Variants in TTC39A observed in about 807,000 individuals in gnomAD.
TTC39A encodes tetratricopeptide repeat protein 39A.
In TTC39A, 46 loss-of-function variants were observed where a neutral mutation model predicts 82.3. That is an observed-to-expected ratio of 0.56 (90% CI 0.44 to 0.71). The LOEUF (loss-of-function observed/expected upper bound fraction) is 0.71, where lower values mean the gene tolerates loss of function less well. TTC39A is among the 30% of genes least tolerant of loss of function. The pLI, the probability that TTC39A is intolerant of heterozygous loss-of-function variation, is 0.00. For synonymous variants in TTC39A, 254 were observed against 275.2 expected (o/e 0.92, Z 0.76); for missense variants, 543 against 712.9 (o/e 0.76, Z 2.71).
Position 51,301,641 on chromosome 1 carries a change from G to A in TTC39A, c.984C>T (p.Thr328=), listed in dbSNP as rs1318216389. 1.9e-6 allele frequency: 3 copies of A among 1,613,836 alleles called. No individual in the cohort carries two copies. The highest frequency in any genetic ancestry group is 3.3e-5 in the Admixed American group (2 of 60,010). ...AGGACATCTTCCACTGGCCCTTGTA[G>A]GTGAAGCACCACATCAGCTCCCAGT... ...MCYWELMWCF[T]YKGQWKMSYF... is the part of the protein sequence containing the mutation. Residue 328 remains threonine, a synonymous_variant, in exon 12 of 18, where the codon ACC becomes ACT. Transcript: ENST00000680483.
At chr1:51,303,720 A>G (rs577315795) in intron 8 of TTC39A, among the ~76,000 whole-genome samples, 4 of 152,160 alleles carry the variant, frequency 2.6e-5, no homozygotes, top group African/African-American at 9.6e-5. Context: ...CTAAAACACA[A>G]ATCTGACCTG....
At chr1:51,319,693 CTTT>C (rs148207553) in intron 2 of TTC39A, among the ~76,000 whole-genome samples, 2 of 141,716 alleles carry the variant, frequency 1.4e-5, no homozygotes, top group African/African-American at 2.6e-5. Context: ...TTTTCTTTTT[CTTT>C]TTTTTTTTTT....
intron 1 of TTC39A, among the ~76,000 whole-genome samples, chr1:51,342,125 G>T (rs1646044819): frequency 6.6e-6 from 1 of 152,150 alleles, no homozygotes; most frequent in Non-Finnish European, 1.5e-5. Flanking sequence ...GGGGGCTATG[G>T]TATGGCTAAG....
rs1199445913 is a variant in TTC39A at position 51,288,770 on chromosome 1, T to C, written c.1610+69A>G. 2 of 1,458,364 alleles carry C rather than the reference T, an allele frequency of 1.4e-6. No homozygotes were observed. The highest frequency in any genetic ancestry group is 1.4e-5 in the African/African-American group (1 of 71,274). 90.3% of individuals were successfully genotyped at this position (1,458,364 alleles called of 1,614,324 possible). On this transcript the variant is annotated intron_variant, in intron 17 of 17. Transcript: ENST00000680483. The surrounding 1 kb of genome is among the most constrained non-coding windows in gnomAD (Gnocchi z 4.8). The stretch of plus-strand genomic sequence containing the variant: ...CCACTCACTGCTCTCTGGGCAACTC[T>C]GTCCCCAGCCAGCTCCTGAGCTGAG...
rs1645539582 is a variant in TTC39A at position 51,321,947 on chromosome 1, G to T, written c.42-122C>A. 4.6e-6 allele frequency: 6 copies of T among 1,303,534 alleles called. No homozygotes were observed. The South Asian group carries it at 6.9e-5, about 15-fold the overall frequency. The allele number at this position is 1,303,534 out of a possible 1,614,324, so 80.7% of individuals were successfully genotyped here. On this transcript the variant is annotated intron_variant, in intron 1 of 17. Coordinates refer to ENST00000680483, the MANE Select transcript of TTC39A (RefSeq NM_001297663.2). This position sits in a 1 kb window ranked among gnomAD's most constrained non-coding sequence, Gnocchi z 4.6. ...GGCCAGCCTTGGGTGCCTGTCACGA[G>T]CTCCTCCAGGCTGCCACTCTGTACT... is the stretch of plus-strand genomic sequence containing the variant.
At chr1:51,304,374 C>T (rs959208613) in intron 8 of TTC39A, among the ~76,000 whole-genome samples, 3 of 152,096 alleles carry the variant, frequency 2.0e-5, no homozygotes, top group South Asian at 2.1e-4. Flanking sequence ...GGCCAGTGCA[C>T]GTTTGAGAAA....
chr1:51,332,828 G>T (rs953751287), upstream of TTC39A, among the ~76,000 whole-genome samples: 1 of 152,204 alleles, frequency 6.6e-6, no homozygotes, highest in African/African-American at 2.4e-5. Flanking sequence ...TGTCCACATG[G>T]ATGGCTGAGA....
intron 2 of TTC39A, among the ~76,000 whole-genome samples, chr1:51,314,335 C>A (rs938307101): frequency 6.6e-6 from 1 of 152,174 alleles, no homozygotes; most frequent in African/African-American, 2.4e-5. Flanking sequence ...CGGGTCCCTG[C>A]GAGACTGTGG....
chr1:51,303,366 T>C (rs896761304), intron 8 of TTC39A, among the ~76,000 whole-genome samples, 174 bp from the exon 9 acceptor site: 3 of 152,194 alleles, frequency 2.0e-5, no homozygotes, highest in African/African-American at 7.2e-5. Flanking sequence ...CCCCAGCACA[T>C]TCCTGGGAGA....
intron 1 of TTC39A, among the ~76,000 whole-genome samples, chr1:51,324,119 C>T (rs902783461): frequency 6.6e-6 from 1 of 152,178 alleles, no homozygotes; most frequent in Non-Finnish European, 1.5e-5. Flanking sequence ...TGCCATCAAA[C>T]CCAAAGTTTG....
chr1:51,292,172 A>T (rs1201293315), intron 14 of TTC39A, among the ~76,000 whole-genome samples: 1 of 152,170 alleles, frequency 6.6e-6, no homozygotes. Flanking sequence ...ACAGAGTGAG[A>T]CCCCACCTCT....
chr1:51,337,724 G>A (rs1421792641), intron 1 of TTC39A, among the ~76,000 whole-genome samples: 2 of 152,108 alleles, frequency 1.3e-5, no homozygotes, highest in African/African-American at 2.4e-5. Flanking sequence ...ACCGTGCCCA[G>A]CCCCTTTCTA....
At position 51,294,537 on chromosome 1, in the gene TTC39A, A is replaced by G; in HGVS notation, c.1146-26T>C. The G allele has an allele frequency of 1.9e-6, 3 of 1,613,374 alleles. No homozygotes were observed. Among genetic ancestry groups the G allele is most frequent in the Non-Finnish European group, 8.5e-7 (1 of 1,179,730 alleles). On this transcript the variant is annotated intron_variant, in intron 13 of 17. Coordinates refer to ENST00000680483, the MANE Select transcript of TTC39A (RefSeq NM_001297663.2). The surrounding 1 kb of genome is among the most constrained non-coding windows in gnomAD (Gnocchi z 4.3). ...CTGCGAAAGAGATGGGGAGGGTGGG[A>G]GAGGATGAAAAAGAGCAGGAGAGGG...
At chr1:51,309,543 C>T in intron 5 of TTC39A, 1 of 1,180,314 alleles carries the variant, frequency 8.5e-7, no homozygotes, top group Non-Finnish European at 1.1e-6. Flanking sequence ...ATACTCTGTG[C>T]TTGGAGAGAG....
chr1:51,322,073 G>T (rs1645546861), intron 1 of TTC39A: 2 of 1,544,198 alleles, frequency 1.3e-6, no homozygotes, highest in African/African-American at 1.4e-5. Flanking sequence ...TGGGGGAGGG[G>T]CCAAGGGCAA....
chr1:51,296,500 C>T (rs1224516693), intron 12 of TTC39A, among the ~76,000 whole-genome samples: 1 of 152,230 alleles, frequency 6.6e-6, no homozygotes, highest in Non-Finnish European at 1.5e-5. Flanking sequence ...CACAGTGGGC[C>T]CCTGAAGGGC....
chr1:51,330,569 G>T, upstream of TTC39A: 2 of 982,960 alleles, frequency 2.0e-6, no homozygotes, highest in Non-Finnish European at 2.4e-6. The surrounding 1 kb of genome is among the most constrained non-coding windows in gnomAD (Gnocchi z 4.5). Context: ...CTGTGCGGTC[G>T]CGGACGCGGC....
rs117783259 is a variant in TTC39A at position 51,302,869 on chromosome 1, T to C, written c.763+215A>G. 9.2e-5 allele frequency among the ~76,000 whole-genome samples: 14 copies of C among 152,286 alleles called. No individual in the cohort carries two copies. The East Asian group carries it at 2.5e-3, about 27-fold the overall frequency. ...TACAGGGTGGGCACAACCACCCCCA[T>C]TTCACAGATGAGAAAACTGAGGCTG... On this transcript the variant is annotated intron_variant, in intron 9 of 17. Transcript: ENST00000680483.
intron 2 of TTC39A, among the ~76,000 whole-genome samples, chr1:51,316,376 C>T (rs1444536157): frequency 6.6e-6 from 1 of 152,190 alleles, no homozygotes; most frequent in Non-Finnish European, 1.5e-5. Flanking sequence ...ATCACTCCCG[C>T]TGCCCATCCT....
Sources: allele counts gnomAD v4.1 joint callset (sites outside exome capture counted in the v4.1 genomes callset), GRCh38; gene constraint gnomAD v4.1.1; non-coding constraint Gnocchi (gnomAD v3.1); transcripts MANE v1.5; gene names NCBI Gene and HGNC (gene_info 2026-07-23, HGNC 2026-07-21).